COX10: variants seen among roughly 807,000 people sequenced by gnomAD.
COX10 encodes the protein cytochrome c oxidase assembly factor heme A:farnesyltransferase COX10.
COX10 carries 27 observed loss-of-function variants against 37.3 expected under a neutral mutation model. The observed-to-expected ratio is 0.72, with a 90% CI of 0.53 to 1.00. The LOEUF is 1.00. Among genes scored for constraint, COX10 ranks in the 50% least tolerant of loss-of-function variants. The pLI is 0.00. For synonymous variants in COX10, 222 were observed against 229.1 expected, an observed-to-expected ratio of 0.97 and a Z score of 0.28; for missense variants, 475 against 563.2, an observed-to-expected ratio of 0.84 and a Z score of 1.59.
At chr17:14,182,837 C>A (rs1905907558) in intron 5 of COX10, among the ~76,000 whole-genome samples, 1 of 150,538 alleles carries the variant, frequency 6.6e-6, no homozygotes, top group Admixed American at 6.6e-5. Context: ...ATAGGCTTCT[C>A]TGAGACATTA....
Position 14,192,214 on chromosome 17 carries a change from C to G in COX10, c.921C>G (p.Leu307=). 1 of 1,614,232 alleles carries G rather than the reference C, an allele frequency of 6.2e-7. No individual in the cohort carries two copies. The highest frequency in any genetic ancestry group is 8.5e-7 in the Non-Finnish European group (1 of 1,180,024). ...VMGWTAATGS[L]DAGAFLLGGI... is the part of the protein sequence containing the mutation. ...GCTGGACAGCGGCCACGGGCAGCCT[C>G]GATGCTGGTAAGTGTCCCGCGATGT... Residue 307 remains leucine, a synonymous_variant, in exon 6 of 7, where the codon CTC becomes CTG. Transcript: ENST00000261643.
At position 14,085,744 on chromosome 17, in the gene COX10, T is replaced by C. The variant is rs973693922; in HGVS notation, c.499+8688T>C. Among the ~76,000 whole-genome samples, 4 of 152,310 alleles carry C rather than the reference T, an allele frequency of 2.6e-5. No homozygotes were observed. In the South Asian group the frequency reaches 6.2e-4, roughly 24 times the overall value. On this transcript the variant is annotated intron_variant, in intron 3 of 6. Transcript: ENST00000261643. ...GAGGATAAATGTATAGAAGTGGTCT[T>C]GTTAGAGCAACAGGTACGCATGGTT...
At chr17:14,202,510 A>T (rs1194940799) in intron 6 of COX10, among the ~76,000 whole-genome samples, 1 of 152,058 alleles carries the variant, frequency 6.6e-6, no homozygotes, top group Non-Finnish European at 1.5e-5. Flanking sequence ...TTTCTCATCT[A>T]TAAGATGATG....
Position 14,160,191 on chromosome 17 carries a change from T to A in COX10, c.695+244T>A, listed in dbSNP as rs187898435. On this transcript the variant is annotated intron_variant, in intron 5 of 6. Transcript: ENST00000261643. ...AGTAACTTATGTGATATATATATATTTTTAATTCCACTTTGAAGCATAGAC... is the reference window on the plus strand; with the variant it reads ...AGTAACTTATGTGATATATATATATATTTAATTCCACTTTGAAGCATAGAC... 7.5e-4 allele frequency among the ~76,000 whole-genome samples: 114 copies of A among 152,278 alleles called. 1 individual carries two copies. The East Asian group carries it at 0.021, about 28-fold the overall frequency.
At chr17:14,156,710 C>T (rs2323096) in intron 4 of COX10, among the ~76,000 whole-genome samples, 35,727 of 152,082 alleles carry the variant, frequency 0.23, 5,206 homozygotes, top group Admixed American at 0.32. Flanking sequence ...AACCATCTAG[C>T]CCTGCTCAGC....
intron 5 of COX10, among the ~76,000 whole-genome samples, chr17:14,173,431 T>G (rs1905546292): frequency 6.6e-6 from 1 of 152,240 alleles, no homozygotes; most frequent in Non-Finnish European, 1.5e-5. Context: ...GCTGTAGACC[T>G]TGACAGACAG....
intron 4 of COX10, among the ~76,000 whole-genome samples, chr17:14,151,084 G>A (rs1201110388): frequency 6.6e-6 from 1 of 152,086 alleles, no homozygotes; most frequent in Non-Finnish European, 1.5e-5. Flanking sequence ...AAAATGAGTA[G>A]GCTAAAGCCA....
chr17:14,077,616 AT>A (rs1915187175), intron 3 of COX10, among the ~76,000 whole-genome samples: 1 of 152,142 alleles, frequency 6.6e-6, no homozygotes, highest in Non-Finnish European at 1.5e-5. Flanking sequence ...TAATTAAGTG[AT>A]TTGGTTGTCA....
Position 14,207,110 on chromosome 17 carries a change from G to A in COX10, c.1229G>A (p.Arg410Lys). The A allele has an allele frequency of 5.6e-6, 9 of 1,613,750 alleles. No individual in the cohort carries two copies. Among genetic ancestry groups the A allele is most frequent in the Non-Finnish European group, 5.1e-6 (6 of 1,179,944 alleles). Reference protein sequence around the residue: ...YVDADRRSSRRLFFCSLWHLP... With the variant: ...YVDADRRSSRKLFFCSLWHLP... The stretch of plus-strand genomic sequence containing the variant: ...GACGCAGACCGCAGGAGCTCGCGGA[G>A]ACTGTTCTTCTGCAGCCTGTGGCAC... The change falls in exon 7 of 7, where the codon AGA becomes AAA. Residue 410 changes from arginine to lysine, a missense_variant. By Grantham distance (26) the Arg-to-Lys change is conservative. This residue lies in a region of COX10 where 160 missense variants were observed against 180.6 expected (regional missense o/e 0.89). Transcript: ENST00000261643.
intron 4 of COX10, among the ~76,000 whole-genome samples, chr17:14,112,548 G>A (rs1916025816): frequency 6.6e-6 from 1 of 152,190 alleles, no homozygotes; most frequent in South Asian, 2.1e-4. Flanking sequence ...GGTAGAGGAA[G>A]ACAGATGAAT....
chr17:14,070,763 T>C (rs993296120), intron 1 of COX10, among the ~76,000 whole-genome samples: 2 of 152,276 alleles, frequency 1.3e-5, no homozygotes, highest in African/African-American at 4.8e-5. Context: ...TTTTTCATAA[T>C]GTTATTTTAT....
intron 4 of COX10, among the ~76,000 whole-genome samples, chr17:14,133,786 T>G (rs1916517149): frequency 2.6e-5 from 4 of 151,764 alleles, no homozygotes; most frequent in Admixed American, 2.6e-4. Context: ...TAATTGCAGA[T>G]AAGAAATTTT....
At chr17:14,089,474 G>GTA (rs1915478297) in intron 3 of COX10, among the ~76,000 whole-genome samples, 4 of 152,198 alleles carry the variant, frequency 2.6e-5, no homozygotes, top group Non-Finnish European at 4.4e-5. Context: ...GTCCAACAGA[G>GTA]CTAGCCCAAG....
At chr17:14,170,130 G>A (rs1355059987) in intron 5 of COX10, among the ~76,000 whole-genome samples, 1 of 152,168 alleles carries the variant, frequency 6.6e-6, no homozygotes, top group East Asian at 1.9e-4. Flanking sequence ...ACAGCCTACA[G>A]AACAGTGAGC....
At chr17:14,070,247 G>A (rs1391826357) in intron 1 of COX10, among the ~76,000 whole-genome samples, 1 of 152,172 alleles carries the variant, frequency 6.6e-6, no homozygotes, top group Non-Finnish European at 1.5e-5. Flanking sequence ...CATCTCAAAT[G>A]TCACCTTTTC....
In COX10 at chr17:14,192,821, A is replaced by G. The variant is rs535995865; in HGVS notation, c.928+600A>G. On this transcript the variant is annotated intron_variant, in intron 6 of 6. Transcript: ENST00000261643. ...TTTTACCATGTGTAAGGGAAGTTTC[A>G]CAGTCTAATTAGTCAAGTAATTAGT... is the stretch of plus-strand genomic sequence containing the variant. Among the ~76,000 whole-genome samples the G allele has an allele frequency of 8.0e-4, 122 of 152,250 alleles. No individual in the cohort carries two copies. The Middle Eastern group carries it at 0.01, about 13-fold the overall frequency.
chr17:14,170,896 T>G (rs544593686), intron 5 of COX10, among the ~76,000 whole-genome samples: 1 of 152,296 alleles, frequency 6.6e-6, no homozygotes, highest in East Asian at 1.9e-4. Context: ...ATCATGTAAA[T>G]AAAAGTACAT....
intron 4 of COX10, among the ~76,000 whole-genome samples, chr17:14,158,720 A>G (rs981246989): frequency 6.6e-6 from 1 of 152,088 alleles, no homozygotes; most frequent in African/African-American, 2.4e-5. Context: ...TCACTTTGGG[A>G]TTTCTCAGAG....
chr17:14,103,548 C>A (rs960066908), intron 4 of COX10, among the ~76,000 whole-genome samples: 3 of 151,968 alleles, frequency 2.0e-5, no homozygotes, highest in African/African-American at 7.2e-5. Flanking sequence ...AAAATATGGA[C>A]ATTCAGAGAA....
Sources: allele counts gnomAD v4.1 joint callset (sites outside exome capture counted in the v4.1 genomes callset), GRCh38; gene constraint gnomAD v4.1.1; regional missense constraint gnomAD v4.1.1; transcripts MANE v1.5; gene names NCBI Gene and HGNC (gene_info 2026-07-23, HGNC 2026-07-21).